The following PCDH11X variants were observed in gnomAD, a reference collection of about 807,000 sequenced individuals.
PCDH11X encodes the protein protocadherin-11 X-linked.
Under a neutral mutation model 53.3 loss-of-function variants are expected in PCDH11X, and 18 were observed. The ratio of observed to expected loss-of-function variants is 0.34; its 90% CI spans 0.23 to 0.50. The LOEUF is 0.50. PCDH11X is among the 20% of genes least tolerant of loss of function. PCDH11X has a pLI of 0.98. For synonymous variants in PCDH11X, 279 were observed against 393.3 expected, an observed-to-expected ratio of 0.71 and a Z score of 3.44; for missense variants, 570 against 1,032.4, an observed-to-expected ratio of 0.55 and a Z score of 6.14.
intron 9 of PCDH11X, among the ~76,000 whole-genome samples, chrX:92,418,618 G>A (rs2071874640): frequency 1.9e-5 from 2 of 107,270 alleles, no homozygotes; most frequent in East Asian, 2.9e-4. Flanking sequence ...GATAGACATG[G>A]TCTTGCTCAG....
At chrX:92,613,329 C>A (rs191304158) in intron 10 of PCDH11X, among the ~76,000 whole-genome samples, 1 of 110,565 alleles carries the variant, frequency 9.0e-6, no homozygotes, top group Non-Finnish European at 1.9e-5. Flanking sequence ...TCTGTAAAAT[C>A]GTTTGTTTCT....
chrX:92,567,618 T>C (rs908657077), intron 10 of PCDH11X, among the ~76,000 whole-genome samples: 11 of 108,942 alleles, frequency 1.0e-4, no homozygotes, highest in Non-Finnish European at 1.5e-4. Context: ...TACGCTACAT[T>C]TTTTTCTCCT....
chrX:92,515,947 T>C (rs1419253003), intron 10 of PCDH11X, among the ~76,000 whole-genome samples: 1 of 112,004 alleles, frequency 8.9e-6, no homozygotes, highest in Non-Finnish European at 1.9e-5. Context: ...ATTGTTCTCT[T>C]GCAATGTTAT....
At chrX:92,513,400 G>A (rs1248816669) in intron 10 of PCDH11X, among the ~76,000 whole-genome samples, 2 of 109,871 alleles carry the variant, frequency 1.8e-5, no homozygotes, top group Non-Finnish European at 3.8e-5. Flanking sequence ...GGAAGTAAAA[G>A]GGGATATGAG....
At chrX:92,572,304 G>A (rs190721205) in intron 10 of PCDH11X, among the ~76,000 whole-genome samples, 3,521 of 109,176 alleles carry the variant, frequency 0.032, 157 homozygotes, top group African/African-American at 0.11. Context: ...TGTGAGCAGC[G>A]GAAAACTAGT....
At chrX:91,888,067 A>G (rs1412914813) in intron 6 of PCDH11X, among the ~76,000 whole-genome samples, 2 of 112,062 alleles carry the variant, frequency 1.8e-5, no homozygotes, top group African/African-American at 6.5e-5. Context: ...TTGCAACCGA[A>G]ATTGTTTTAA....
At chrX:92,136,191 T>C (rs1748964160) in intron 6 of PCDH11X, among the ~76,000 whole-genome samples, 1 of 110,948 alleles carries the variant, frequency 9.0e-6, no homozygotes, top group Non-Finnish European at 1.9e-5. Context: ...AGGTGACTTC[T>C]GAGCAAAGAT....
chrX:92,234,735 G>A (rs2067140506), intron 7 of PCDH11X, among the ~76,000 whole-genome samples: 1 of 110,951 alleles, frequency 9.0e-6, no homozygotes, highest in South Asian at 3.7e-4. Context: ...TTTTCCCATT[G>A]TGAGCATTTA....
chrX:92,294,401 C>T (rs2068564649), intron 8 of PCDH11X, among the ~76,000 whole-genome samples: 1 of 111,800 alleles, frequency 8.9e-6, no homozygotes, highest in Admixed American at 9.5e-5. Context: ...TCTCAGCCTC[C>T]CAAATTGCTG....
chrX:92,493,893 C>A (rs770464079), intron 10 of PCDH11X, among the ~76,000 whole-genome samples: 1 of 109,854 alleles, frequency 9.1e-6, no homozygotes, highest in Non-Finnish European at 1.9e-5. Flanking sequence ...GCAATCCAAC[C>A]GCCTCGGCCT....
At chrX:92,006,246 G>A (rs1038763193) in intron 6 of PCDH11X, among the ~76,000 whole-genome samples, 2 of 110,212 alleles carry the variant, frequency 1.8e-5, no homozygotes, top group Admixed American at 1.9e-4. Flanking sequence ...TCTTAAATTT[G>A]TCCTTTTGAG....
chrX:92,518,791 C>G (rs1402980465), intron 10 of PCDH11X, among the ~76,000 whole-genome samples: 2 of 82,321 alleles, frequency 2.4e-5, no homozygotes, highest in Non-Finnish European at 4.3e-5. Flanking sequence ...GAGTCTCGCT[C>G]TGTCGCCCAG....
chrX:92,257,042 T>C (rs2067606509), intron 7 of PCDH11X, among the ~76,000 whole-genome samples: 1 of 111,827 alleles, frequency 8.9e-6, no homozygotes, highest in Admixed American at 9.5e-5. Flanking sequence ...TTCTGCCAAT[T>C]GTACAGAAAG....
At chrX:92,289,406 G>T (rs35610535) in intron 8 of PCDH11X, among the ~76,000 whole-genome samples, 1 of 111,636 alleles carries the variant, frequency 9.0e-6, no homozygotes, top group African/African-American at 3.2e-5. Flanking sequence ...GGGCTAAAAC[G>T]TAGCTTCTGA....
chrX:92,263,039 A>C (rs2067752548), intron 7 of PCDH11X, 75 bp from the exon 8 acceptor site: 1 of 1,110,954 alleles, frequency 9.0e-7, no homozygotes, highest in Admixed American at 3.4e-5. Context: ...TATTTGCAGT[A>C]ACCAAATTTG....
chrX:92,371,822 G>A (rs1235195501), intron 8 of PCDH11X, among the ~76,000 whole-genome samples: 1 of 109,900 alleles, frequency 9.1e-6, no homozygotes, highest in African/African-American at 3.3e-5. Context: ...TGGGTAATAA[G>A]GGTTTAGGTA....
intron 6 of PCDH11X, among the ~76,000 whole-genome samples, chrX:92,128,657 C>G (rs2064916221): frequency 1.8e-5 from 2 of 109,908 alleles, no homozygotes; most frequent in South Asian, 7.7e-4. Context: ...CCTCGGCCTC[C>G]CAAAGTGCTG....
At chrX:92,346,108 C>T (rs1478994423) in intron 8 of PCDH11X, among the ~76,000 whole-genome samples, 2 of 110,624 alleles carry the variant, frequency 1.8e-5, no homozygotes, top group Non-Finnish European at 3.8e-5. Flanking sequence ...TGTACATTAA[C>T]GACTGCCAAT....
At chrX:92,548,465 G>A (rs1283097272) in intron 10 of PCDH11X, among the ~76,000 whole-genome samples, 1 of 111,734 alleles carries the variant, frequency 8.9e-6, no homozygotes, top group Non-Finnish European at 1.9e-5. Context: ...GCCATCGCAC[G>A]CAGCCCCTAA....
Sources: gnomAD v4.1 joint callset for allele counts (sites outside exome capture counted in the v4.1 genomes callset) on GRCh38, gnomAD v4.1.1 for gene constraint, MANE v1.5 for transcripts, NCBI Gene and HGNC (gene_info 2026-07-23, HGNC 2026-07-21) for gene names.